DLGAP2: variants seen among roughly 807,000 people sequenced by gnomAD.
DLGAP2 encodes the protein disks large-associated protein 2.
DLGAP2 carries 26 observed loss-of-function variants against 100.3 expected under a neutral mutation model. That is an observed-to-expected ratio of 0.26 (90% CI 0.19 to 0.36). DLGAP2 has a LOEUF of 0.36. Ranked by LOEUF, DLGAP2 falls within the 10% of genes least tolerant of loss-of-function variation. DLGAP2 has a pLI of 1.00. For missense variants in DLGAP2, 1,858 were observed against 1,453.2 expected (o/e 1.28, Z -4.53); for synonymous variants, 886 against 630.1 (o/e 1.41, Z -6.08).
chr8:1,187,897 C>T (rs1156698029), intron 2 of DLGAP2, among the ~76,000 whole-genome samples: 4 of 128,444 alleles, frequency 3.1e-5, no homozygotes, highest in Non-Finnish European at 4.6e-5. Context: ...CTCACACGCC[C>T]GGGACCTCCG....
At chr8:1,615,568 A>C (rs954676710) in intron 6 of DLGAP2, among the ~76,000 whole-genome samples, 2 of 152,186 alleles carry the variant, frequency 1.3e-5, no homozygotes, top group Non-Finnish European at 1.5e-5. Context: ...AAAGATCTTT[A>C]AAGCAGCCAT....
rs1316704011 is a variant in DLGAP2, at chr8:1,701,359, G to A, written c.3121G>A (p.Ala1041Thr). 9 of 1,594,730 alleles carry A rather than the reference G, an allele frequency of 5.6e-6. No homozygotes were observed. The highest frequency in any genetic ancestry group is 2.6e-6 in the Non-Finnish European group (3 of 1,171,592). ...CCGGCAGAATTCCGCCTCCGAGCGC[G>A]CGGACAGCATCGAGATCTACATCCC... Reference protein sequence around the residue: ...SFRQNSASERADSIEIYIPEA... With the variant: ...SFRQNSASERTDSIEIYIPEA... Residue 1041 changes from alanine to threonine, a missense_variant, in exon 15 of 15, where the codon GCG becomes ACG. Transcript: ENST00000637795.
At chr8:1,489,775 C>T (rs1051730079) in intron 3 of DLGAP2, among the ~76,000 whole-genome samples, 4 of 152,190 alleles carry the variant, frequency 2.6e-5, no homozygotes, top group African/African-American at 4.8e-5. Context: ...CCAATTCTCA[C>T]GTAACGTTAC....
chr8:1,486,817 A>C (rs1287326731), intron 3 of DLGAP2, among the ~76,000 whole-genome samples: 1 of 152,224 alleles, frequency 6.6e-6, no homozygotes, highest in African/African-American at 2.4e-5. Flanking sequence ...CAAGTAGTAA[A>C]ACACATGCAT....
Position 1,549,219 on chromosome 8 carries a change from G to A in DLGAP2, c.766G>A (p.Gly256Ser), listed in dbSNP as rs763207744. Residue 256 changes from glycine (G) to serine (S), a missense_variant, in exon 5 of 15, where the codon GGC becomes AGC. Gly to Ser is a moderately conservative substitution (Grantham distance 56). Transcript: ENST00000637795. ...LEGSSKSNANGTKADGRADDH... is the reference protein window; with the variant it reads ...LEGSSKSNANSTKADGRADDH... ...GGGCTCCTCCAAAAGCAACGCCAAC[G>A]GCACCAAGGCGGACGGCCGGGCGGA... The A allele has an allele frequency of 2.5e-6, 4 of 1,603,726 alleles. No homozygotes were observed. Among genetic ancestry groups the A allele is most frequent in the South Asian group, 1.1e-5 (1 of 89,964 alleles).
Position 1,076,826 on chromosome 8 carries a change from C to T in DLGAP2, c.73+168860C>T, listed in dbSNP as rs541418251. The stretch of plus-strand genomic sequence containing the variant: ...GAGGAGGAGTCTGTCCCAGGCCCCC[C>T]CCCAAGACCAAGAGGGGGAGGAGGA... On this transcript the variant is annotated intron_variant, in intron 2 of 14. Coordinates refer to ENST00000637795, the MANE Select transcript of DLGAP2 (RefSeq NM_001346810.2). Among the ~76,000 whole-genome samples the T allele has an allele frequency of 1.4e-4, 22 of 151,866 alleles. No individual in the cohort carries two copies. In the South Asian group the frequency reaches 4.6e-3, roughly 32 times the overall value.
intron 1 of DLGAP2, among the ~76,000 whole-genome samples, chr8:873,011 A>G (rs1484931559): frequency 2.0e-5 from 3 of 151,624 alleles, no homozygotes; most frequent in African/African-American, 4.9e-5. Context: ...ATAAAGCTTA[A>G]TACAGTGTAA....
At chr8:986,528 A>C (rs191658367) in intron 2 of DLGAP2, among the ~76,000 whole-genome samples, 115 of 152,188 alleles carry the variant, frequency 7.6e-4, no homozygotes, top group African/African-American at 2.7e-3. Flanking sequence ...TTACAGCTAA[A>C]ACAAAGTTTC....
chr8:1,497,786 C>A (rs889495768), intron 3 of DLGAP2, among the ~76,000 whole-genome samples: 10 of 152,126 alleles, frequency 6.6e-5, no homozygotes, highest in Non-Finnish European at 1.3e-4. Context: ...GTTCCAAGAC[C>A]CCTAGCAGAT....
chr8:799,908 A>G (rs986010757), intron 1 of DLGAP2, among the ~76,000 whole-genome samples: 2 of 152,172 alleles, frequency 1.3e-5, no homozygotes, highest in Non-Finnish European at 2.9e-5. Context: ...CTCACTTTGA[A>G]TTATTAAAAG....
chr8:1,700,798 C>T (rs965188992), intron 14 of DLGAP2, among the ~76,000 whole-genome samples: 1 of 152,190 alleles, frequency 6.6e-6, no homozygotes, highest in Non-Finnish European at 1.5e-5. Flanking sequence ...GGATGTCCAG[C>T]GATGGTGTCC....
At chr8:1,383,465 C>T (rs1446002915) in intron 3 of DLGAP2, among the ~76,000 whole-genome samples, 1 of 152,184 alleles carries the variant, frequency 6.6e-6, no homozygotes, top group Non-Finnish European at 1.5e-5. Flanking sequence ...CTTGTACACA[C>T]AAGAACACGG....
At chr8:770,633 G>A (rs935820968) in intron 1 of DLGAP2, among the ~76,000 whole-genome samples, 5 of 152,238 alleles carry the variant, frequency 3.3e-5, no homozygotes, top group East Asian at 1.9e-4. Context: ...CTGTTTGGCC[G>A]AGGAAGATTC....
chr8:1,417,107 G>A (rs1246260879), intron 3 of DLGAP2, among the ~76,000 whole-genome samples: 2 of 149,442 alleles, frequency 1.3e-5, no homozygotes, highest in East Asian at 2.1e-4. Flanking sequence ...GGGGGTGGGG[G>A]GGAGACCCCC....
At chr8:1,511,787 A>C (rs1364945821) in intron 4 of DLGAP2, among the ~76,000 whole-genome samples, 2 of 151,928 alleles carry the variant, frequency 1.3e-5, no homozygotes, top group African/African-American at 4.8e-5. Flanking sequence ...TAGGACAATC[A>C]GTAGATGACC....
intron 4 of DLGAP2, among the ~76,000 whole-genome samples, chr8:1,530,325 T>C (rs1800946377): frequency 6.6e-6 from 1 of 152,144 alleles, no homozygotes; most frequent in African/African-American, 2.4e-5. Context: ...TTTCTCCCAT[T>C]TGCTTTTGAA....
intron 3 of DLGAP2, among the ~76,000 whole-genome samples, chr8:1,452,392 G>C (rs6989857): frequency 6.6e-6 from 1 of 152,242 alleles, no homozygotes; most frequent in Admixed American, 6.5e-5. Flanking sequence ...GAGGCTATGC[G>C]TGCGACAGGT....
At chr8:959,814 G>C (rs1390616745) in intron 2 of DLGAP2, among the ~76,000 whole-genome samples, 1 of 152,054 alleles carries the variant, frequency 6.6e-6, no homozygotes, top group African/African-American at 2.4e-5. Flanking sequence ...TCATTTATAA[G>C]AAACATTCTC....
chr8:1,565,804 A>T lies in DLGAP2; in HGVS notation c.1352A>T (p.Asp451Val). The T allele has an allele frequency of 6.2e-7, 1 of 1,613,686 alleles. No individual in the cohort carries two copies. The highest frequency in any genetic ancestry group is 8.5e-7 in the Non-Finnish European group (1 of 1,179,804). The change falls in exon 6 of 15, where the codon GAC becomes GTC. Residue 451 changes from aspartate to valine, a missense_variant. By Grantham distance (152) the Asp-to-Val change is radical (BLOSUM62 -3). Coordinates refer to ENST00000637795, the MANE Select transcript of DLGAP2 (RefSeq NM_001346810.2). ...GGGGACGAGGAGAGCGGAGAGTCAG[A>T]CTCCAGCCCCAAGACATCACCAAAG... The part of the protein sequence containing the change: ...AMGDEESGES[D>V]SSPKTSPKSA...
Sources: allele counts gnomAD v4.1 joint callset (sites outside exome capture counted in the v4.1 genomes callset), GRCh38; gene constraint gnomAD v4.1.1; transcripts MANE v1.5; gene names NCBI Gene and HGNC (gene_info 2026-07-23, HGNC 2026-07-21).